CLYBL: variants seen among roughly 807,000 people sequenced by gnomAD.
CLYBL encodes citramalyl-CoA lyase, mitochondrial.
Under a neutral mutation model 38.9 loss-of-function variants are expected in CLYBL, and 31 were observed. That is an observed-to-expected ratio of 0.80 (90% CI 0.60 to 1.08). The LOEUF is 1.08. CLYBL is among the 50% of genes least tolerant of loss of function. The pLI is 0.00. For synonymous variants in CLYBL, 171 were observed against 158.6 expected (o/e 1.08, Z -0.59); for missense variants, 434 against 411.6 (o/e 1.05, Z -0.47).
chr13:99,631,898 G>T (rs1237597207), intron 1 of CLYBL, among the ~76,000 whole-genome samples: 2 of 152,154 alleles, frequency 1.3e-5, no homozygotes, highest in African/African-American at 4.8e-5. Context: ...ACCGCACCTG[G>T]CCACACACAA....
chr13:99,608,074 TTTTTTTTTTTTTC>T (rs2045431754), intron 1 of CLYBL, among the ~76,000 whole-genome samples: 1 of 121,274 alleles, frequency 8.2e-6, no homozygotes, highest in African/African-American at 3.7e-5. Flanking sequence ...TTTTTTTTTT[TTTTTTTTTTTTTC>T]CGAGATGGAG....
At chr13:99,663,214 A>C (rs1381692084) in intron 1 of CLYBL, among the ~76,000 whole-genome samples, 1 of 152,214 alleles carries the variant, frequency 6.6e-6, no homozygotes, top group East Asian at 1.9e-4. Flanking sequence ...AAAGATAGGC[A>C]TCCATTGATT....
chr13:99,671,565 AG>A (rs2047564973), intron 1 of CLYBL, among the ~76,000 whole-genome samples: 1 of 152,098 alleles, frequency 6.6e-6, no homozygotes. Flanking sequence ...AGATCACTTG[AG>A]GTCAGGAGTT....
intron 1 of CLYBL, among the ~76,000 whole-genome samples, chr13:99,763,428 A>G (rs1350075361): frequency 6.6e-6 from 1 of 151,734 alleles, no homozygotes; most frequent in Non-Finnish European, 1.5e-5. Flanking sequence ...AAATAATCAT[A>G]TAGTCTTTGT....
intron 1 of CLYBL, among the ~76,000 whole-genome samples, chr13:99,708,967 C>T (rs2048186292): frequency 6.6e-6 from 1 of 152,038 alleles, no homozygotes; most frequent in Admixed American, 6.6e-5. Flanking sequence ...GTGGCAGGCA[C>T]CTGTAGTCCC....
chr13:99,836,606 A>T (rs1270052656), intron 2 of CLYBL, among the ~76,000 whole-genome samples: 1 of 152,218 alleles, frequency 6.6e-6, no homozygotes, highest in Non-Finnish European at 1.5e-5. Context: ...CCACAGTGTG[A>T]TGGATTACAG....
chr13:99,622,431 C>T (rs1392367931), intron 1 of CLYBL, among the ~76,000 whole-genome samples: 2 of 152,198 alleles, frequency 1.3e-5, no homozygotes, highest in Non-Finnish European at 2.9e-5. Flanking sequence ...TTAAGATGTA[C>T]ATTCTATCAT....
rs2051838376 is a variant in CLYBL, at chr13:99,869,825, T to C, written c.803-1113T>C. Among the ~76,000 whole-genome samples the C allele has an allele frequency of 6.6e-6, 1 of 152,092 alleles. No individual in the cohort carries two copies. Among genetic ancestry groups the C allele is most frequent in the Non-Finnish European group, 1.5e-5 (1 of 67,950 alleles). On this transcript the variant is annotated intron_variant, in intron 6 of 8. Coordinates refer to ENST00000339105, the MANE Select transcript of CLYBL (RefSeq NM_206808.5). This position sits in a 1 kb window ranked among gnomAD's most constrained non-coding sequence, Gnocchi z 4.3. ...CAAAGCAAACTGATATACCAACAAA[T>C]ATATTCAGCAGAGTAAATGATCATT...
chr13:99,779,405 G>A (rs758197499), intron 2 of CLYBL, among the ~76,000 whole-genome samples: 6 of 152,172 alleles, frequency 3.9e-5, no homozygotes, highest in Non-Finnish European at 8.8e-5. Flanking sequence ...CTCCCAAAGT[G>A]CAGGGATTAC....
intron 1 of CLYBL, among the ~76,000 whole-genome samples, chr13:99,674,407 C>T (rs2047613887): frequency 6.6e-6 from 1 of 152,054 alleles, no homozygotes; most frequent in Non-Finnish European, 1.5e-5. Flanking sequence ...ATCTCGGCCT[C>T]CCAAAGTGCT....
intron 2 of CLYBL, among the ~76,000 whole-genome samples, chr13:99,784,721 T>C (rs1594180910): frequency 6.6e-6 from 1 of 152,106 alleles, no homozygotes; most frequent in African/African-American, 2.4e-5. Context: ...CCCGAAGTGC[T>C]GGGATTATAG....
chr13:99,816,669 G>A (rs1159825856), intron 2 of CLYBL, among the ~76,000 whole-genome samples: 1 of 152,222 alleles, frequency 6.6e-6, no homozygotes, highest in Non-Finnish European at 1.5e-5. Context: ...TGGGCCCTGG[G>A]TGGACACAGT....
At chr13:99,768,517 TTTTTTTTTTTTAA>T (rs2049318494) in intron 1 of CLYBL, among the ~76,000 whole-genome samples, 2 of 11,396 alleles carry the variant, frequency 1.8e-4, no homozygotes, top group African/African-American at 2.5e-4. Context: ...TTTTTTTTTT[TTTTTTTTTTTTAA>T]AGACAGAATC....
intron 2 of CLYBL, among the ~76,000 whole-genome samples, chr13:99,782,056 T>C (rs2049667612): frequency 6.6e-6 from 1 of 152,218 alleles, no homozygotes. Flanking sequence ...TTCTTTATAT[T>C]ATCTTACATA....
intron 1 of CLYBL, chr13:99,726,324 C>T (rs1313964689): frequency 6.6e-6 from 1 of 152,190 alleles, no homozygotes; most frequent in East Asian, 1.9e-4. Flanking sequence ...TAGTCTGTAA[C>T]TTATATTTAC....
chr13:99,826,287 C>T (rs1448915406), intron 2 of CLYBL, among the ~76,000 whole-genome samples: 3 of 152,180 alleles, frequency 2.0e-5, no homozygotes, highest in African/African-American at 4.8e-5. Context: ...ACAAGCAAAA[C>T]TGGGGTTTCC....
chr13:99,828,955 G>C (rs1268910615), intron 2 of CLYBL, among the ~76,000 whole-genome samples: 1 of 152,128 alleles, frequency 6.6e-6, no homozygotes, highest in Non-Finnish European at 1.5e-5. Flanking sequence ...GGGATTCCTC[G>C]TGACGGAAGA....
intron 3 of CLYBL, among the ~76,000 whole-genome samples, chr13:99,861,732 TA>T (rs1410580906): frequency 6.6e-5 from 10 of 152,126 alleles, no homozygotes. Flanking sequence ...AGCCTAATTG[TA>T]AAGTTACTGC....
Position 99,626,334 on chromosome 13 carries a change from C to T in CLYBL, c.62+19577C>T, listed in dbSNP as rs116534404. The stretch of plus-strand genomic sequence containing the variant: ...CAGGGGCTGGGCATGACGTTGAGAG[C>T]GGGGGAGGTTGAGGCCAGACTGTGA... On this transcript the variant is annotated intron_variant, in intron 1 of 8. Coordinates refer to ENST00000339105, the MANE Select transcript of CLYBL (RefSeq NM_206808.5). 3.1e-3 allele frequency among the ~76,000 whole-genome samples: 476 copies of T among 152,220 alleles called. 3 individuals are homozygous for T. The highest frequency in any genetic ancestry group is 0.011 in the African/African-American group (458 of 41,544).
Sources: gnomAD v4.1 joint callset for allele counts (sites outside exome capture counted in the v4.1 genomes callset) on GRCh38, gnomAD v4.1.1 for gene constraint, Gnocchi (gnomAD v3.1) non-coding constraint, MANE v1.5 for transcripts, NCBI Gene and HGNC (gene_info 2026-07-23, HGNC 2026-07-21) for gene names.